SF3B3: variants seen among roughly 807,000 people sequenced by gnomAD.
SF3B3 encodes the protein splicing factor 3b subunit 3.
Under a neutral mutation model 139.2 loss-of-function variants are expected in SF3B3, and 33 were observed. The observed-to-expected ratio is 0.24, with a 90% CI of 0.18 to 0.32. SF3B3 has a LOEUF of 0.32. Among genes scored for constraint, SF3B3 ranks in the 10% least tolerant of loss-of-function variants. The pLI is 1.00. For missense variants in SF3B3, 818 were observed against 1,509.4 expected (o/e 0.54, Z 7.59); for synonymous variants, 596 against 563.6 (o/e 1.06, Z -0.81).
intron 1 of SF3B3, among the ~76,000 whole-genome samples, chr16:70,525,969 AAAAAAAAAAAAG>A (rs2050059337): frequency 1.3e-5 from 2 of 148,794 alleles, no homozygotes; most frequent in South Asian, 2.1e-4. Context: ...AAAAAAAAAA[AAAAAAAAAAAAG>A]GAAAAAAAAA....
Position 70,535,516 on chromosome 16 carries a change from A to C in SF3B3, c.825+96A>C, listed in dbSNP as rs539246224. On this transcript the variant is annotated intron_variant, in intron 6 of 25. Transcript: ENST00000302516. Reference sequence around the variant, plus strand: ...TGTTACCAATTTAGTTTTTTTGTAAATTAAAAAAAAAATTCAGTGACCCTG... The same window carrying C: ...TGTTACCAATTTAGTTTTTTTGTAACTTAAAAAAAAAATTCAGTGACCCTG... 4.7e-4 allele frequency: 293 copies of C among 629,642 alleles called. 1 individual carries two copies. The highest frequency in any genetic ancestry group is 7.4e-4 in the Non-Finnish European group (281 of 381,902). 39.0% of individuals were successfully genotyped at this position (629,642 alleles called of 1,614,324 possible). A position where few individuals can be genotyped will look rare whatever the true frequency, so the allele number is the denominator to read the frequency against.
intron 11 of SF3B3, among the ~76,000 whole-genome samples, chr16:70,553,063 C>CG (rs1378465595): frequency 6.6e-6 from 1 of 152,166 alleles, no homozygotes. Context: ...CCCACCACCA[C>CG]ACCCAGCTAA....
intron 2 of SF3B3, among the ~76,000 whole-genome samples, chr16:70,528,271 T>C (rs1386058176): frequency 6.6e-6 from 1 of 151,004 alleles, no homozygotes; most frequent in Non-Finnish European, 1.5e-5. Context: ...TTCAAGCGAT[T>C]CTCCTGTGTC....
intron 6 of SF3B3, among the ~76,000 whole-genome samples, chr16:70,536,144 A>T (rs2050163773): frequency 6.6e-6 from 1 of 151,542 alleles, no homozygotes; most frequent in Admixed American, 6.6e-5. Flanking sequence ...AGTCTCCCTT[A>T]GTTCAGGATA....
chr16:70,543,404 G>A (rs1334809589), intron 9 of SF3B3, among the ~76,000 whole-genome samples: 2 of 115,360 alleles, frequency 1.7e-5, no homozygotes, highest in African/African-American at 3.2e-5. Context: ...GCGAAACCCC[G>A]TCTCAAAAAA....
chr16:70,544,679 A>C (rs1567415562), intron 10 of SF3B3, 146 bp downstream of exon 10: 4 of 600,484 alleles, frequency 6.7e-6, no homozygotes, highest in Non-Finnish European at 1.2e-5. Context: ...CCCGAAGTTT[A>C]TACTTCAGAT....
intron 15 of SF3B3, among the ~76,000 whole-genome samples, chr16:70,557,713 C>G (rs890395124): frequency 6.6e-6 from 1 of 151,806 alleles, no homozygotes; most frequent in Non-Finnish European, 1.5e-5. Context: ...CATGGGTTTT[C>G]GGTCTATTTT....
In SF3B3 at chr16:70,569,966, T is replaced by C. The variant is rs746657066; in HGVS notation, c.3265-40T>C. 4.3e-6 allele frequency: 7 copies of C among 1,612,398 alleles called. No homozygotes were observed. The African/African-American group carries it at 9.3e-5, about 22-fold the overall frequency. ...GCCCTTGGGAGTCCAGGGAGGCTCC[T>C]GAGGGTGCACACAGTCACTAGTCTG... is the stretch of plus-strand genomic sequence containing the variant. On this transcript the variant is annotated intron_variant, in intron 23 of 25. Transcript: ENST00000302516.
chr16:70,558,107 C>T (rs1328707299), intron 15 of SF3B3, among the ~76,000 whole-genome samples: 1 of 152,100 alleles, frequency 6.6e-6, no homozygotes, highest in African/African-American at 2.4e-5. Context: ...AATTTCCCAC[C>T]TTCTGGACTT....
intron 6 of SF3B3, chr16:70,537,959 A>C (rs2050183756): frequency 2.0e-6 from 1 of 509,368 alleles, no homozygotes; most frequent in African/African-American, 1.9e-5. Flanking sequence ...TTTAGGAATC[A>C]GGCATTTGAT....
intron 16 of SF3B3, 57 bp from the exon 17 acceptor site, chr16:70,561,573 C>A: frequency 6.6e-7 from 1 of 1,520,376 alleles, no homozygotes. Flanking sequence ...TCAGCTTATA[C>A]CATATTTGTA....
chr16:70,541,584 T>C (rs139731685), intron 8 of SF3B3, 85 bp from the exon 9 acceptor site: 4 of 1,065,964 alleles, frequency 3.8e-6, no homozygotes, highest in Non-Finnish European at 5.5e-6. Flanking sequence ...TATAATCAAA[T>C]AGCTTGTGCT....
chr16:70,548,498 A>T, intron 11 of SF3B3, 56 bp downstream of exon 11: 1 of 1,405,128 alleles, frequency 7.1e-7, no homozygotes, highest in Non-Finnish European at 1.0e-6. Context: ...TTGACATAGA[A>T]GGCTTGAAAG....
chr16:70,525,853 C>T (rs1047758378), intron 1 of SF3B3, among the ~76,000 whole-genome samples: 2 of 148,138 alleles, frequency 1.4e-5, no homozygotes, highest in African/African-American at 5.0e-5. Context: ...CCCAGCTACT[C>T]GGGAGCCTGA....
chr16:70,531,160 C>T (rs896600275), intron 4 of SF3B3, among the ~76,000 whole-genome samples: 11 of 151,834 alleles, frequency 7.2e-5, no homozygotes, highest in South Asian at 2.1e-4. Flanking sequence ...TCCAGCTACT[C>T]GGGAAGCTGA....
Position 70,531,267 on chromosome 16 carries a change from C to CA in SF3B3, c.570+359dup, listed in dbSNP as rs899360659. Among the ~76,000 whole-genome samples, 51 of 148,668 alleles carry CA rather than the reference C, an allele frequency of 3.4e-4. No individual in the cohort carries two copies. In the East Asian group the frequency reaches 4.8e-3, roughly 14 times the overall value. On this transcript the variant is annotated intron_variant, in intron 4 of 25. Coordinates refer to ENST00000302516, the MANE Select transcript of SF3B3 (RefSeq NM_012426.5). ...TGGGCGACAGAGTGAGACTCCATCT[C>CA]AAAAAAAAACGAAAAGATCGTTTTC...
intron 9 of SF3B3, among the ~76,000 whole-genome samples, chr16:70,543,092 G>A (rs993735298): frequency 6.6e-5 from 10 of 151,820 alleles, no homozygotes; most frequent in Non-Finnish European, 7.4e-5. Flanking sequence ...AATAAATAAT[G>A]TGTGTAAATA....
chr16:70,530,990 G>T, intron 4 of SF3B3, 73 bp downstream of exon 4: 1 of 1,398,620 alleles, frequency 7.1e-7, no homozygotes, highest in African/African-American at 1.4e-5. Context: ...TTTTCCGGCC[G>T]GGCGTGGTGG....
chr16:70,531,008 C>A, intron 4 of SF3B3, 91 bp downstream of exon 4: 2 of 1,182,188 alleles, frequency 1.7e-6, no homozygotes, highest in Non-Finnish European at 1.2e-6. Flanking sequence ...TGGCTCACGC[C>A]TGTAATCCCA....
Sources: gnomAD v4.1 joint callset for allele counts (sites outside exome capture counted in the v4.1 genomes callset) on GRCh38, gnomAD v4.1.1 for gene constraint, MANE v1.5 for transcripts, NCBI Gene and HGNC (gene_info 2026-07-23, HGNC 2026-07-21) for gene names.